SNX30: variants seen among roughly 807,000 people sequenced by gnomAD.
SNX30 encodes the protein sorting nexin family member 30, also known as sorting nexin-30.
In SNX30, 24 loss-of-function variants were observed where a neutral mutation model predicts 46.4. That is an observed-to-expected ratio of 0.52 (90% CI 0.37 to 0.73). The LOEUF is 0.73. SNX30 is among the 30% of genes least tolerant of loss of function. The probability of loss-of-function intolerance (pLI) is 0.00; values close to 1 mark genes in which losing one functional copy is unlikely to be tolerated. For synonymous variants in SNX30, 189 were observed against 211.5 expected (o/e 0.89, Z 0.92); for missense variants, 533 against 555.7 (o/e 0.96, Z 0.41).
At chr9:112,756,021 T>A (rs1054483365) in intron 1 of SNX30, among the ~76,000 whole-genome samples, 2 of 152,168 alleles carry the variant, frequency 1.3e-5, no homozygotes, top group African/African-American at 2.4e-5. Context: ...GGAATTTTTT[T>A]AAAATTGGGG....
chr9:112,805,319 C>T (rs763088857), intron 2 of SNX30, among the ~76,000 whole-genome samples: 3 of 151,758 alleles, frequency 2.0e-5, no homozygotes, highest in Non-Finnish European at 4.4e-5. Flanking sequence ...GTGATGAGAC[C>T]ATGAATAAAA....
chr9:112,763,942 A>G (rs985656188), intron 1 of SNX30, among the ~76,000 whole-genome samples: 1 of 152,040 alleles, frequency 6.6e-6, no homozygotes, highest in Admixed American at 6.6e-5. Flanking sequence ...CAGTGCTTTT[A>G]GGGTACCCAT....
intron 1 of SNX30, among the ~76,000 whole-genome samples, chr9:112,777,145 G>A (rs1386006293): frequency 1.3e-5 from 2 of 152,058 alleles, no homozygotes; most frequent in Non-Finnish European, 2.9e-5. Context: ...ATTTGATCCT[G>A]TTTGCTGTAT....
At chr9:112,844,113 C>G (rs1187420546) in intron 6 of SNX30, among the ~76,000 whole-genome samples, 1 of 152,064 alleles carries the variant, frequency 6.6e-6, no homozygotes, top group Non-Finnish European at 1.5e-5. Context: ...GGTGGTGGAG[C>G]CTGGACTGCA....
At chr9:112,808,136 T>C (rs1320501318) in intron 2 of SNX30, among the ~76,000 whole-genome samples, 1 of 152,192 alleles carries the variant, frequency 6.6e-6, no homozygotes, top group African/African-American at 2.4e-5. Flanking sequence ...TGTGTGAGAA[T>C]GAGAGAAAGA....
In SNX30 at chr9:112,823,405, C is replaced by T. The variant is rs529575042; in HGVS notation, c.459+5590C>T. ...GAACAACTCCCCATTTCCCACTCTC[C>T]GTACCCCTGGCAACCACCATTCTAT... On this transcript the variant is annotated intron_variant, in intron 3 of 8. Coordinates refer to ENST00000374232, the MANE Select transcript of SNX30 (RefSeq NM_001012994.2). Among the ~76,000 whole-genome samples the T allele has an allele frequency of 1.2e-3, 187 of 152,296 alleles. 1 individual carries two copies. The highest frequency in any genetic ancestry group is 4.2e-3 in the African/African-American group (175 of 41,554).
At chr9:112,862,703 A>G (rs1002581734) in intron 7 of SNX30, among the ~76,000 whole-genome samples, 1 of 151,820 alleles carries the variant, frequency 6.6e-6, no homozygotes, top group Non-Finnish European at 1.5e-5. Flanking sequence ...GGAGTTCGAG[A>G]CCAGCCTGGA....
intron 5 of SNX30, among the ~76,000 whole-genome samples, chr9:112,837,484 T>A (rs1276745039): frequency 6.7e-6 from 1 of 149,056 alleles, no homozygotes; most frequent in Non-Finnish European, 1.5e-5. Flanking sequence ...TGGTTTTTGG[T>A]TTTTTTTTTG....
intron 3 of SNX30, among the ~76,000 whole-genome samples, chr9:112,828,206 G>A (rs1288010870): frequency 1.3e-5 from 2 of 152,192 alleles, no homozygotes; most frequent in African/African-American, 2.4e-5. Flanking sequence ...TCTGTCAATG[G>A]TGGATGGCAT....
chr9:112,817,430 T>TTTTTTTTTTTTTTC (rs1840417822), intron 2 of SNX30, among the ~76,000 whole-genome samples: 1 of 105,960 alleles, frequency 9.4e-6, no homozygotes, highest in African/African-American at 3.1e-5. Flanking sequence ...TTTTTTTTTT[T>TTTTTTTTTTTTTTC]TGAGACGGAG....
At chr9:112,809,505 C>G (rs1292424189) in intron 2 of SNX30, among the ~76,000 whole-genome samples, 15 of 151,922 alleles carry the variant, frequency 9.9e-5, no homozygotes, top group Admixed American at 2.0e-4. Flanking sequence ...AGAGGCGAGC[C>G]TTCAATTCCC....
chr9:112,764,338 C>T (rs1011119165), intron 1 of SNX30, among the ~76,000 whole-genome samples: 1 of 152,104 alleles, frequency 6.6e-6, no homozygotes, highest in Non-Finnish European at 1.5e-5. Flanking sequence ...GGACTTTAAC[C>T]TGAGTAATTG....
chr9:112,842,087 G>A (rs1334432593), intron 6 of SNX30, among the ~76,000 whole-genome samples: 1 of 152,210 alleles, frequency 6.6e-6, no homozygotes, highest in Non-Finnish European at 1.5e-5. Flanking sequence ...GGGATTAGAG[G>A]TGCACATCAC....
In SNX30 at chr9:112,873,083, G is replaced by C. The variant is rs867859935; in HGVS notation, c.*4240G>C. 6.6e-6 allele frequency: 1 copy of C among 152,276 alleles called. No homozygotes were observed. Among genetic ancestry groups the C allele is most frequent in the Non-Finnish European group, 1.5e-5 (1 of 68,114 alleles). The allele number at this position is 152,276 out of a possible 1,614,324, so 9.4% of individuals were successfully genotyped here. On this transcript the variant is annotated 3_prime_UTR_variant, in exon 9 of 9. Transcript: ENST00000374232. ...TGTGTAAGTTGTCTGTGTTAGAAAGGTTGGGGTGGGGGCTTTGTTGCAGGG... is the reference window on the plus strand; with the variant it reads ...TGTGTAAGTTGTCTGTGTTAGAAAGCTTGGGGTGGGGGCTTTGTTGCAGGG...
At chr9:112,859,299 T>TAC (rs1217181299) in intron 7 of SNX30, among the ~76,000 whole-genome samples, 1 of 152,212 alleles carries the variant, frequency 6.6e-6, no homozygotes, top group Admixed American at 6.5e-5. Flanking sequence ...ATATGGGACA[T>TAC]ACACACACAT....
intron 6 of SNX30, among the ~76,000 whole-genome samples, chr9:112,847,724 C>T (rs775982998): frequency 9.9e-5 from 15 of 152,200 alleles, no homozygotes; most frequent in African/African-American, 3.4e-4. Context: ...CACTTGAAAT[C>T]ACAACAAAAT....
intron 8 of SNX30, among the ~76,000 whole-genome samples, chr9:112,867,853 A>G (rs891894328): frequency 2.0e-5 from 3 of 151,878 alleles, no homozygotes; most frequent in Non-Finnish European, 4.4e-5. Flanking sequence ...ATGACTCAGT[A>G]CAAAGTCCTC....
chr9:112,826,829 T>C (rs899318104), intron 3 of SNX30, among the ~76,000 whole-genome samples: 2 of 152,156 alleles, frequency 1.3e-5, no homozygotes, highest in Non-Finnish European at 2.9e-5. Context: ...AATAAAGGAA[T>C]TATCCTAAAG....
chr9:112,865,867 C>T (rs1054826139), intron 8 of SNX30, among the ~76,000 whole-genome samples: 1 of 151,490 alleles, frequency 6.6e-6, no homozygotes, highest in Non-Finnish European at 1.5e-5. Flanking sequence ...TTCCTTTCTT[C>T]TGTAACTCCC....
Sources: gnomAD v4.1 joint callset for allele counts (sites outside exome capture counted in the v4.1 genomes callset) on GRCh38, gnomAD v4.1.1 for gene constraint, MANE v1.5 for transcripts, NCBI Gene and HGNC (gene_info 2026-07-23, HGNC 2026-07-21) for gene names.